FMN1: variants seen among roughly 807,000 people sequenced by gnomAD.
The protein encoded by FMN1 is formin-1.
FMN1 carries 110 observed loss-of-function variants against 132.4 expected under a neutral mutation model. The ratio of observed to expected loss-of-function variants is 0.83; its 90% confidence interval spans 0.71 to 0.97. The LOEUF is 0.97. Among genes scored for constraint, FMN1 ranks in the 50% least tolerant of loss-of-function variants. The pLI, the probability that FMN1 is intolerant of heterozygous loss-of-function variation, is 0.00. For synonymous variants in FMN1, 722 were observed against 651.7 expected, an observed-to-expected ratio of 1.11 and a Z score of -1.64; for missense variants, 1,792 against 1,705.3, an observed-to-expected ratio of 1.05 and a Z score of -0.90.
At chr15:32,968,634 T>A in intron 8 of FMN1, 80 bp downstream of exon 8, 1 of 1,583,518 alleles carries the variant, frequency 6.3e-7, no homozygotes, top group East Asian at 2.2e-5. Context: ...TATGGAGATA[T>A]TGACCCGGTA....
At chr15:33,123,225 C>T (rs1230041148) in intron 4 of FMN1, among the ~76,000 whole-genome samples, 1 of 151,924 alleles carries the variant, frequency 6.6e-6, no homozygotes, top group East Asian at 1.9e-4. Flanking sequence ...ACCAACTGGC[C>T]TTCCTTTTTC....
chr15:32,954,312 G>C (rs1443507798), intron 9 of FMN1, among the ~76,000 whole-genome samples: 2 of 152,156 alleles, frequency 1.3e-5, no homozygotes, highest in East Asian at 3.8e-4. Context: ...CTGATGGTTT[G>C]AGACAGCTCT....
At chr15:33,125,568 G>A (rs1301863638) in intron 4 of FMN1, among the ~76,000 whole-genome samples, 1 of 152,180 alleles carries the variant, frequency 6.6e-6, no homozygotes, top group Non-Finnish European at 1.5e-5. Context: ...GGTGGGGCAT[G>A]GTGTCTCACA....
chr15:32,962,158 A>G (rs905393583), intron 9 of FMN1, among the ~76,000 whole-genome samples: 2 of 152,026 alleles, frequency 1.3e-5, no homozygotes, highest in African/African-American at 4.8e-5. Flanking sequence ...CCCTCAACAC[A>G]TACCAATGCT....
At chr15:32,815,052 C>T (rs1311012644) in intron 17 of FMN1, among the ~76,000 whole-genome samples, 1 of 152,142 alleles carries the variant, frequency 6.6e-6, no homozygotes, top group Non-Finnish European at 1.5e-5. Context: ...ATCCCATTCT[C>T]CCGCCTCAGC....
intron 4 of FMN1, among the ~76,000 whole-genome samples, chr15:33,127,936 G>A (rs568764795): frequency 3.3e-5 from 5 of 152,282 alleles, no homozygotes; most frequent in South Asian, 2.1e-4. Flanking sequence ...AGAAGAAGAG[G>A]CAGCAACAGG....
intron 6 of FMN1, 36 bp from the exon 7 acceptor site, chr15:33,008,111 T>C (rs774392564): frequency 6.5e-6 from 10 of 1,533,534 alleles, no homozygotes; most frequent in South Asian, 1.2e-5. Flanking sequence ...TATAAAGAAG[T>C]ACAAAATTAA....
intron 4 of FMN1, among the ~76,000 whole-genome samples, chr15:33,125,362 A>G (rs1962954761): frequency 6.6e-6 from 1 of 152,220 alleles, no homozygotes; most frequent in Non-Finnish European, 1.5e-5. Context: ...TCCTTTTAAA[A>G]TTCAGTCTTG....
At chr15:32,853,425 T>C (rs1279965216) in intron 17 of FMN1, among the ~76,000 whole-genome samples, 2 of 152,220 alleles carry the variant, frequency 1.3e-5, no homozygotes, top group African/African-American at 2.4e-5. Context: ...TTGTAGTACA[T>C]GTAATAATGG....
chr15:32,963,753 A>G (rs938272187), intron 9 of FMN1, among the ~76,000 whole-genome samples: 4 of 152,160 alleles, frequency 2.6e-5, no homozygotes, highest in Non-Finnish European at 4.4e-5. Flanking sequence ...AACAGAATTA[A>G]TGGCTGAAAA....
rs1038175986 is a variant in FMN1 at position 32,774,057 on chromosome 15, G to A, written c.*253C>T. ...TCTTCTGCTCTTAGAGTGGACTTTGGGCTTCCACAAGAAACAGTCATCAAA... is the reference window on the plus strand; with the variant it reads ...TCTTCTGCTCTTAGAGTGGACTTTGAGCTTCCACAAGAAACAGTCATCAAA... On this transcript the variant is annotated 3_prime_UTR_variant, in exon 21 of 21. Coordinates refer to ENST00000616417, the MANE Select transcript of FMN1 (RefSeq NM_001277313.2). 2.0e-6 allele frequency: 1 copy of A among 489,988 alleles called. No individual in the cohort carries two copies. The highest frequency in any genetic ancestry group is 3.5e-6 in the Non-Finnish European group (1 of 282,032). 30.4% of individuals were successfully genotyped at this position (489,988 alleles called of 1,614,324 possible).
intron 2 of FMN1, among the ~76,000 whole-genome samples, chr15:33,193,363 A>G (rs1173071289): frequency 6.6e-6 from 1 of 152,192 alleles, no homozygotes; most frequent in South Asian, 2.1e-4. Flanking sequence ...TGGTGTGCCT[A>G]TAAGATGCTA....
chr15:33,128,922 T>C (rs999235801), intron 4 of FMN1, among the ~76,000 whole-genome samples: 10 of 152,116 alleles, frequency 6.6e-5, no homozygotes, highest in Admixed American at 5.3e-4. Flanking sequence ...GCCCTGCTTA[T>C]TGGTCCATTT....
At position 32,992,965 on chromosome 15, in the gene FMN1, T is replaced by G. The variant is rs112207815; in HGVS notation, c.2223+15049A>C. Among the ~76,000 whole-genome samples, 798 of 152,332 alleles carry G rather than the reference T, an allele frequency of 5.2e-3. 4 individuals are homozygous for G. Among genetic ancestry groups the G allele is most frequent in the Non-Finnish European group, 8.0e-3 (541 of 68,028 alleles). On this transcript the variant is annotated intron_variant, in intron 7 of 20. Coordinates refer to ENST00000616417, the MANE Select transcript of FMN1 (RefSeq NM_001277313.2). ...CATGGATTGCCTGAAAGATGAAACA[T>G]TTCTCGCCAAGATTGTTCTGTAAGT... is the stretch of plus-strand genomic sequence containing the variant.
intron 4 of FMN1, among the ~76,000 whole-genome samples, chr15:33,089,946 T>C (rs1411474085): frequency 2.0e-5 from 3 of 152,258 alleles, no homozygotes; most frequent in Non-Finnish European, 4.4e-5. Flanking sequence ...GGATGCCCTT[T>C]AGTACAGAAA....
chr15:33,140,002 A>C (rs1212593611), intron 4 of FMN1, among the ~76,000 whole-genome samples: 1 of 152,110 alleles, frequency 6.6e-6, no homozygotes, highest in Non-Finnish European at 1.5e-5. Flanking sequence ...CCTGAGGGAG[A>C]GATATTTTAT....
intron 6 of FMN1, among the ~76,000 whole-genome samples, chr15:33,019,709 G>A (rs1056430873): frequency 6.6e-6 from 1 of 152,244 alleles, no homozygotes; most frequent in Admixed American, 6.5e-5. Context: ...ACCCTCCGCA[G>A]CTGCTTGCCT....
chr15:33,107,396 C>T (rs1190242234), intron 4 of FMN1, among the ~76,000 whole-genome samples: 1 of 152,046 alleles, frequency 6.6e-6, no homozygotes, highest in African/African-American at 2.4e-5. Context: ...TCAAAATCCT[C>T]CAGTGGCTTC....
At chr15:33,124,156 T>C (rs922469368) in intron 4 of FMN1, among the ~76,000 whole-genome samples, 3 of 152,204 alleles carry the variant, frequency 2.0e-5, no homozygotes, top group African/African-American at 7.2e-5. Context: ...ATAGATCAGC[T>C]TCATCCTAAC....
Sources: gnomAD v4.1 joint callset for allele counts (sites outside exome capture counted in the v4.1 genomes callset) on GRCh38, gnomAD v4.1.1 for gene constraint, MANE v1.5 for transcripts, NCBI Gene and HGNC (gene_info 2026-07-23, HGNC 2026-07-21) for gene names.